Variants in ANKRD44 observed in about 807,000 individuals in gnomAD.
ANKRD44 encodes the protein ankyrin repeat domain 44, also known as serine/threonine-protein phosphatase 6 regulatory ankyrin repeat subunit B.
In ANKRD44, 35 loss-of-function variants were observed where a neutral mutation model predicts 116.0. The ratio of observed to expected loss-of-function variants is 0.30; its 90% CI spans 0.23 to 0.40. The LOEUF (loss-of-function observed/expected upper bound fraction) is 0.40, where lower values mean the gene tolerates loss of function less well. ANKRD44 is among the 10% of genes least tolerant of loss of function. The pLI, the probability that ANKRD44 is intolerant of heterozygous loss-of-function variation, is 1.00. For missense variants in ANKRD44, 1,014 were observed against 1,242.6 expected (o/e 0.82, Z 2.77); for synonymous variants, 435 against 461.8 (o/e 0.94, Z 0.74).
At chr2:197,253,195 C>T (rs2082361550) in intron 1 of ANKRD44, among the ~76,000 whole-genome samples, 1 of 152,090 alleles carries the variant, frequency 6.6e-6, no homozygotes, top group Admixed American at 6.5e-5. Flanking sequence ...TCTTTAACGT[C>T]TTGAGGAAAT....
intron 15 of ANKRD44, among the ~76,000 whole-genome samples, chr2:197,079,635 C>T (rs918373874): frequency 2.0e-5 from 3 of 152,190 alleles, no homozygotes; most frequent in Non-Finnish European, 2.9e-5. Context: ...AGTCAGGAAG[C>T]GCTGCTTCAT....
Position 197,083,613 on chromosome 2 carries a change from G to C in ANKRD44, c.1317-104C>G, listed in dbSNP as rs1053027569. On this transcript the variant is annotated intron_variant, in intron 13 of 27. Transcript: ENST00000282272. ...ATGCCTAGGGCATGGAAAGCTCTTGGACTCTCAGAGTGTGTGGAGGCCAAA... is the reference window on the plus strand; with the variant it reads ...ATGCCTAGGGCATGGAAAGCTCTTGCACTCTCAGAGTGTGTGGAGGCCAAA... 4.5e-6 allele frequency: 6 copies of C among 1,321,284 alleles called. No homozygotes were observed. The Admixed American group carries it at 1.4e-4, about 31-fold the overall frequency. 81.8% of individuals were successfully genotyped at this position (1,321,284 alleles called of 1,614,324 possible).
At chr2:197,189,650 C>T (rs1431190243) in intron 1 of ANKRD44, among the ~76,000 whole-genome samples, 1 of 152,214 alleles carries the variant, frequency 6.6e-6, no homozygotes, top group African/African-American at 2.4e-5. Flanking sequence ...CTCATGTGTG[C>T]ATTTCTGCCT....
At chr2:197,288,325 A>T (rs1216262921) in intron 1 of ANKRD44, among the ~76,000 whole-genome samples, 1 of 152,226 alleles carries the variant, frequency 6.6e-6, no homozygotes, top group Non-Finnish European at 1.5e-5. Flanking sequence ...AAAGTTTCAC[A>T]GATGCTGGTG....
chr2:197,080,294 G>A (rs1335782617), intron 15 of ANKRD44, among the ~76,000 whole-genome samples: 1 of 152,200 alleles, frequency 6.6e-6, no homozygotes, highest in African/African-American at 2.4e-5. Context: ...AGGAAAACAT[G>A]CATTCCGTGT....
intron 16 of ANKRD44, among the ~76,000 whole-genome samples, chr2:197,035,801 G>C (rs898423371): frequency 6.6e-6 from 1 of 152,048 alleles, no homozygotes. Flanking sequence ...CCAGAACGGG[G>C]GGCTGAGTCT....
chr2:197,240,013 A>G (rs3929618), intron 1 of ANKRD44, among the ~76,000 whole-genome samples: 31,302 of 152,046 alleles, frequency 0.21, 3,400 homozygotes, highest in Middle Eastern at 0.31. Context: ...TATAATTTCT[A>G]CATTTCCTAA....
chr2:197,121,943 T>G (rs921858080), intron 7 of ANKRD44, among the ~76,000 whole-genome samples: 3 of 151,964 alleles, frequency 2.0e-5, no homozygotes, highest in Non-Finnish European at 4.4e-5. Context: ...GCAGAGGAAG[T>G]GGCTGCGGAG....
At chr2:197,249,742 T>G (rs1276758040) in intron 1 of ANKRD44, among the ~76,000 whole-genome samples, 2 of 152,238 alleles carry the variant, frequency 1.3e-5, no homozygotes, top group Non-Finnish European at 2.9e-5. Context: ...ATATTTATCA[T>G]GTTGATAATT....
chr2:197,092,033 G>A (rs969455192), intron 10 of ANKRD44, among the ~76,000 whole-genome samples: 1 of 152,064 alleles, frequency 6.6e-6, no homozygotes, highest in Non-Finnish European at 1.5e-5. Context: ...TTTTGCCTTC[G>A]GGATTAAATG....
At chr2:197,004,317 ATC>A (rs1412632735) in intron 21 of ANKRD44, among the ~76,000 whole-genome samples, 1 of 152,194 alleles carries the variant, frequency 6.6e-6, no homozygotes, top group South Asian at 2.1e-4. Flanking sequence ...AAAGCTCAAA[ATC>A]TCTAAGTGGA....
chr2:197,195,783 T>C (rs1018061318), intron 1 of ANKRD44, among the ~76,000 whole-genome samples: 3 of 152,196 alleles, frequency 2.0e-5, no homozygotes, highest in African/African-American at 7.2e-5. Flanking sequence ...ATTTCAAAAA[T>C]AGGCCACATC....
intron 12 of ANKRD44, among the ~76,000 whole-genome samples, chr2:197,088,212 A>T (rs946167743): frequency 8.5e-5 from 13 of 152,224 alleles, no homozygotes; most frequent in African/African-American, 3.1e-4. Flanking sequence ...GTAAGGATTA[A>T]ATCACTTCTT....
intron 10 of ANKRD44, among the ~76,000 whole-genome samples, chr2:197,098,947 G>T (rs567588634): frequency 2.0e-5 from 3 of 152,102 alleles, no homozygotes; most frequent in South Asian, 2.1e-4. Flanking sequence ...GTGGTGCACA[G>T]CATCATCACA....
chr2:196,967,569 G>T, intron 21 of ANKRD44: 2 of 378,976 alleles, frequency 5.3e-6, no homozygotes, highest in Non-Finnish European at 5.5e-6. Flanking sequence ...GATGGGGAAT[G>T]CTCAAGTAAG....
At chr2:197,268,649 C>T (rs369856616) in intron 1 of ANKRD44, among the ~76,000 whole-genome samples, 5 of 152,128 alleles carry the variant, frequency 3.3e-5, no homozygotes, top group Admixed American at 1.3e-4. Context: ...TTGCACCAGC[C>T]GATACCCAGG....
intron 1 of ANKRD44, among the ~76,000 whole-genome samples, chr2:197,230,780 G>A (rs1346002694): frequency 1.3e-5 from 2 of 152,194 alleles, no homozygotes; most frequent in East Asian, 1.9e-4. Context: ...TCGGGGCCTC[G>A]GGTCTCTTCT....
intron 1 of ANKRD44, among the ~76,000 whole-genome samples, chr2:197,232,497 G>A (rs190383975): frequency 1.8e-4 from 28 of 152,316 alleles, no homozygotes; most frequent in African/African-American, 6.5e-4. Context: ...GGAGAAATAA[G>A]CACCACATAT....
At chr2:197,086,465 C>A (rs1190571322) in intron 13 of ANKRD44, among the ~76,000 whole-genome samples, 6 of 151,820 alleles carry the variant, frequency 4.0e-5, no homozygotes, top group Non-Finnish European at 1.5e-5. Context: ...AGACAATTGG[C>A]ACATCTAAAC....
Sources: allele counts gnomAD v4.1 joint callset (sites outside exome capture counted in the v4.1 genomes callset), GRCh38; gene constraint gnomAD v4.1.1; transcripts MANE v1.5; gene names NCBI Gene and HGNC (gene_info 2026-07-23, HGNC 2026-07-21).